The following LRP11 variants were observed in gnomAD, a reference collection of about 807,000 sequenced individuals.
LRP11 encodes the protein low-density lipoprotein receptor-related protein 11.
Under a neutral mutation model 43.1 loss-of-function variants are expected in LRP11, and 25 were observed. That is an observed-to-expected ratio of 0.58 (90% CI 0.42 to 0.81). The LOEUF (loss-of-function observed/expected upper bound fraction) is 0.81. LRP11 is among the 30% of genes least tolerant of loss of function. The pLI, the probability that LRP11 is intolerant of heterozygous loss-of-function variation, is 0.00. For missense variants in LRP11, 623 were observed against 665.1 expected (o/e 0.94, Z 0.70); for synonymous variants, 316 against 299.4 (o/e 1.06, Z -0.57).
rs544265868 is a variant in LRP11 at position 149,857,839 on chromosome 6, G to A, written c.614-4679C>T. Among the ~76,000 whole-genome samples the A allele has an allele frequency of 3.0e-4, 46 of 152,266 alleles. 1 individual carries two copies. The South Asian group carries it at 7.9e-3, about 26-fold the overall frequency. ...CCCTGTCTTGATAAATCAGCTCTGT[G>A]TAGGCAGTGGGCAAGGAGAACCCAT... On this transcript the variant is annotated intron_variant, in intron 1 of 6. Transcript: ENST00000239367.
Position 149,846,953 on chromosome 6 carries a change from T to TAGTAGAATAG in LRP11, c.772-3830_772-3829insCTATTCTACT, listed in dbSNP as rs1554259656. ...TATCTCAATATAAAATAAAATAAAA[T>TAGTAGAATAG]AATAGAATAGAATAGAATAGAATAG... On this transcript the variant is annotated intron_variant, in intron 2 of 6. Transcript: ENST00000239367. Among the ~76,000 whole-genome samples the TAGTAGAATAG allele has an allele frequency of 4.6e-5, 6 of 131,414 alleles. No homozygotes were observed. In the South Asian group the frequency reaches 1.6e-3, roughly 35 times the overall value. The allele number at this position is 131,414 out of a possible 152,430, so 86.2% of individuals were successfully genotyped here.
At chr6:149,855,751 T>G (rs1259358198) in intron 1 of LRP11, among the ~76,000 whole-genome samples, 1 of 152,032 alleles carries the variant, frequency 6.6e-6, no homozygotes, top group African/African-American at 2.4e-5. Context: ...GCACAATTGC[T>G]TTTTACATGC....
chr6:149,856,384 C>T (rs1448401134), intron 1 of LRP11, among the ~76,000 whole-genome samples: 2 of 152,114 alleles, frequency 1.3e-5, no homozygotes, highest in Admixed American at 6.5e-5. Flanking sequence ...ACTGATGTGT[C>T]TGAAATAACA....
Position 149,863,968 on chromosome 6 carries a change from C to G in LRP11, c.53G>C (p.Arg18Pro). The G allele has an allele frequency of 1.4e-6, 2 of 1,423,240 alleles. No individual in the cohort carries two copies. The highest frequency in any genetic ancestry group is 1.4e-5 in the South Asian group (1 of 69,246). The allele number at this position is 1,423,240 out of a possible 1,614,324, so 88.2% of individuals were successfully genotyped here. A position where few individuals can be genotyped will look rare whatever the true frequency, so the allele number is the denominator to read the frequency against. The change falls in exon 1 of 7, where the codon CGT becomes CCT. Residue 18 changes from arginine (R) to proline (P), a missense_variant. By Grantham distance (103) the Arg-to-Pro change is moderately radical. Coordinates refer to ENST00000239367, the MANE Select transcript of LRP11 (RefSeq NM_032832.6). ...SAGSQRRLPP[R>P]HGALRGLLLL... is the part of the protein sequence containing the mutation. ...TAGCAGCCCGCGCAGCGCCCCGTGA[C>G]GCGGCGGTAGCCGGCGCTGCGAGCC... is the stretch of plus-strand genomic sequence containing the variant.
intron 3 of LRP11, among the ~76,000 whole-genome samples, chr6:149,841,450 C>T (rs923783305): frequency 1.1e-4 from 16 of 152,174 alleles, no homozygotes; most frequent in African/African-American, 2.9e-4. Flanking sequence ...AGAAAATACA[C>T]GATGACCGAG....
chr6:149,826,553 C>T (rs767610663), intron 5 of LRP11, among the ~76,000 whole-genome samples, 194 bp from the exon 6 acceptor site: 8 of 151,636 alleles, frequency 5.3e-5, no homozygotes, highest in South Asian at 2.1e-4. Flanking sequence ...AAGCAAAGTA[C>T]GCAGCTAATA....
At position 149,820,145 on chromosome 6, in the gene LRP11, A is replaced by G; in HGVS notation, c.*404T>C. The G allele has an allele frequency of 6.5e-6, 1 of 155,028 alleles. No individual in the cohort carries two copies. The highest frequency in any genetic ancestry group is 1.4e-5 in the Non-Finnish European group (1 of 70,094). The allele number at this position is 155,028 out of a possible 1,614,324, so 9.6% of individuals were successfully genotyped here. On this transcript the variant is annotated 3_prime_UTR_variant, in exon 7 of 7. Coordinates refer to ENST00000239367, the MANE Select transcript of LRP11 (RefSeq NM_032832.6). Reference sequence around the variant, plus strand: ...ACTGGGAGCTTCAAGGAGGAAGAAAAGGGCCACAGAACAAGGGGAAGCTGG... The same window carrying G: ...ACTGGGAGCTTCAAGGAGGAAGAAAGGGGCCACAGAACAAGGGGAAGCTGG...
intron 4 of LRP11, 64 bp from the exon 5 acceptor site, chr6:149,836,361 A>G: frequency 7.3e-7 from 1 of 1,365,316 alleles, no homozygotes; most frequent in Non-Finnish European, 1.0e-6. Flanking sequence ...TACTAAAAAC[A>G]CTACATCTGC....
At chr6:149,842,954 G>T in intron 3 of LRP11, 29 bp downstream of exon 3, 1 of 1,612,742 alleles carries the variant, frequency 6.2e-7, no homozygotes. Context: ...CACAAGCAGT[G>T]GGAAGCGAGG....
chr6:149,850,307 T>G (rs1377587165), intron 2 of LRP11, among the ~76,000 whole-genome samples: 1 of 152,148 alleles, frequency 6.6e-6, no homozygotes, highest in Non-Finnish European at 1.5e-5. Flanking sequence ...AAAAGGAATT[T>G]GATTTGAGAG....
At position 149,863,789 on chromosome 6, in the gene LRP11, C is replaced by T. The variant is rs1322342493; in HGVS notation, c.232G>A (p.Glu78Lys). The T allele has an allele frequency of 4.0e-6, 6 of 1,486,844 alleles. No homozygotes were observed. Among genetic ancestry groups the T allele is most frequent in the Non-Finnish European group, 5.3e-6 (6 of 1,125,794 alleles). 92.1% of individuals were successfully genotyped at this position (1,486,844 alleles called of 1,614,324 possible). A position where few individuals can be genotyped will look rare whatever the true frequency, so the allele number is the denominator to read the frequency against. ...TGGGGGCCGCCGCCCGCGCGCAGCT[C>T]CAGCTCCAGCTCCTCCTGAGGCCGC... ...QERPQEELEL[E>K]LRAGGGPQED... The change falls in exon 1 of 7, where the codon GAG (glutamate) becomes AAG (lysine). Residue 78 changes from glutamate (E) to lysine (K), a missense_variant. Transcript: ENST00000239367.
At chr6:149,839,468 G>A (rs933093192) in intron 3 of LRP11, among the ~76,000 whole-genome samples, 7 of 152,154 alleles carry the variant, frequency 4.6e-5, no homozygotes, top group Admixed American at 2.0e-4. Context: ...ACAGTTCCTC[G>A]TCAGGTTTCT....
intron 2 of LRP11, among the ~76,000 whole-genome samples, chr6:149,851,430 C>T (rs1776717465): frequency 6.6e-6 from 1 of 152,160 alleles, no homozygotes; most frequent in African/African-American, 2.4e-5. Flanking sequence ...AAAATCAATT[C>T]ATATGAGGAA....
At position 149,864,013 on chromosome 6, in the gene LRP11, G is replaced by A. The variant is rs1776992604; in HGVS notation, c.8C>T (p.Ser3Phe). 9.7e-6 allele frequency: 13 copies of A among 1,346,688 alleles called. No homozygotes were observed. The highest frequency in any genetic ancestry group is 1.2e-5 in the Non-Finnish European group (13 of 1,058,250). The allele number at this position is 1,346,688 out of a possible 1,614,324, so 83.4% of individuals were successfully genotyped here. Residue 3 changes from serine (S) to phenylalanine (F), a missense_variant, in exon 1 of 7, where the codon TCC (serine) becomes TTC (phenylalanine). Transcript: ENST00000239367. MA[S>F]VAQESAGSQR... ...CGAGCCCGCGCTCTCCTGGGCGACG[G>A]AGGCCATGGCGACGAGAGCCAAGGG... is the stretch of plus-strand genomic sequence containing the variant.
At chr6:149,829,614 C>A (rs1284984336) in intron 5 of LRP11, among the ~76,000 whole-genome samples, 1 of 151,222 alleles carries the variant, frequency 6.6e-6, no homozygotes, top group Non-Finnish European at 1.5e-5. Context: ...TAAAAATGAG[C>A]CAGGAATAAA....
chr6:149,838,869 C>T (rs944628318), intron 3 of LRP11, among the ~76,000 whole-genome samples: 1 of 152,018 alleles, frequency 6.6e-6, no homozygotes, highest in Non-Finnish European at 1.5e-5. Context: ...CTGGTACTGG[C>T]AACATGGACT....
At chr6:149,861,092 T>G (rs897579386) in intron 1 of LRP11, among the ~76,000 whole-genome samples, 5 of 152,220 alleles carry the variant, frequency 3.3e-5, no homozygotes, top group African/African-American at 1.2e-4. Flanking sequence ...CCACCTCAGA[T>G]GGATCCAGTC....
At chr6:149,842,501 T>C (rs968946650) in intron 3 of LRP11, 17 of 722,954 alleles carry the variant, frequency 2.4e-5, no homozygotes, top group Non-Finnish European at 3.4e-5. Context: ...CCAGAACCTG[T>C]TCCTCCGGTC....
intron 5 of LRP11, among the ~76,000 whole-genome samples, chr6:149,830,159 C>T (rs1278025376): frequency 1.3e-5 from 2 of 151,824 alleles, no homozygotes; most frequent in Non-Finnish European, 2.9e-5. Flanking sequence ...TGTAGGCATG[C>T]ACCACCACGC....
Sources: allele counts gnomAD v4.1 joint callset (sites outside exome capture counted in the v4.1 genomes callset), GRCh38; gene constraint gnomAD v4.1.1; transcripts MANE v1.5; gene names NCBI Gene and HGNC (gene_info 2026-07-23, HGNC 2026-07-21).